The following ADARB1 variants were observed in gnomAD, a reference collection of about 807,000 sequenced individuals.
ADARB1 encodes the protein adenosine deaminase RNA specific B1, also known as double-stranded RNA-specific editase 1.
A neutral mutation model predicts 52.4 loss-of-function variants in ADARB1; 10 were observed. That is an observed-to-expected ratio of 0.19 (90% confidence interval 0.12 to 0.32). ADARB1 has a LOEUF of 0.32. Ranked by LOEUF, ADARB1 falls within the 10% of genes least tolerant of loss-of-function variation. The probability of loss-of-function intolerance (pLI) is 1.00; values close to 1 mark genes in which losing one functional copy is unlikely to be tolerated. For missense variants in ADARB1, 643 were observed against 922.3 expected (o/e 0.70, Z 3.92); for synonymous variants, 349 against 371.1 (o/e 0.94, Z 0.68).
chr21:45,116,632 T>A (rs957335105), intron 1 of ADARB1, among the ~76,000 whole-genome samples: 2 of 152,224 alleles, frequency 1.3e-5, no homozygotes, highest in Non-Finnish European at 2.9e-5. Flanking sequence ...TCAGGAAACT[T>A]ACAATCATGG....
Position 45,172,841 on chromosome 21 carries a change from A to G in ADARB1, c.28+1157A>G, listed in dbSNP as rs2091542647. 6.6e-6 allele frequency among the ~76,000 whole-genome samples: 1 copy of G among 152,150 alleles called. No homozygotes were observed. Among genetic ancestry groups the G allele is most frequent in the Non-Finnish European group, 1.5e-5 (1 of 68,016 alleles). On this transcript the variant is annotated intron_variant, in intron 3 of 10. Coordinates refer to ENST00000348831, the MANE Select transcript of ADARB1 (RefSeq NM_001112.4). This position sits in a 1 kb window ranked among gnomAD's most constrained non-coding sequence, Gnocchi z 4.4. ...CTGCCTGCTGGTGATTGTTTTTTTC[A>G]GGTTTTTATCCTCATCAATCCTGCT...
intron 1 of ADARB1, among the ~76,000 whole-genome samples, chr21:45,113,310 C>G (rs1238221986): frequency 6.6e-6 from 1 of 152,048 alleles, no homozygotes; most frequent in South Asian, 2.1e-4. Context: ...GTAGTCCCAG[C>G]TACTCGGGAG....
At chr21:45,097,394 T>C (rs552270851) in intron 1 of ADARB1, among the ~76,000 whole-genome samples, 2 of 152,102 alleles carry the variant, frequency 1.3e-5, no homozygotes, top group Non-Finnish European at 1.5e-5. Flanking sequence ...CCCTGTGTGA[T>C]GTGGTACAAA....
intron 2 of ADARB1, chr21:45,133,690 C>CGA (rs2089101987): frequency 3.5e-6 from 1 of 284,550 alleles, no homozygotes; most frequent in African/African-American, 2.3e-5. Context: ...GAGGTGTGTG[C>CGA]CCGACGGTGT....
chr21:45,188,561 A>G (rs1311020452), intron 8 of ADARB1, among the ~76,000 whole-genome samples: 2 of 151,784 alleles, frequency 1.3e-5, no homozygotes, highest in Non-Finnish European at 2.9e-5. Context: ...CTTTCGGCCT[A>G]TGTATCCTTA....
At chr21:45,180,622 A>G (rs1382182317) in intron 5 of ADARB1, among the ~76,000 whole-genome samples, 178 bp downstream of exon 5, 2 of 152,188 alleles carry the variant, frequency 1.3e-5, no homozygotes, top group African/African-American at 4.8e-5. Flanking sequence ...TTTTCCCAAA[A>G]TGTTCATCTT....
chr21:45,083,062 G>C (rs1253356971), intron 1 of ADARB1, among the ~76,000 whole-genome samples: 1 of 152,154 alleles, frequency 6.6e-6, no homozygotes, highest in Non-Finnish European at 1.5e-5. Context: ...TCTGCCATCT[G>C]TACCCACCAC....
intron 1 of ADARB1, among the ~76,000 whole-genome samples, chr21:45,087,570 G>T (rs918514789): frequency 4.6e-5 from 7 of 151,990 alleles, no homozygotes; most frequent in African/African-American, 1.7e-4. Context: ...TCATAGGTGG[G>T]GTGCAGAGGG....
chr21:45,117,550 A>G (rs1454338190), intron 1 of ADARB1, among the ~76,000 whole-genome samples: 1 of 151,822 alleles, frequency 6.6e-6, no homozygotes, highest in Non-Finnish European at 1.5e-5. Context: ...GGACTGTGAC[A>G]CTTTATCTTT....
intron 1 of ADARB1, among the ~76,000 whole-genome samples, chr21:45,083,952 C>T (rs932864450): frequency 3.3e-5 from 5 of 152,176 alleles, no homozygotes; most frequent in South Asian, 2.1e-4. Context: ...CCAATTGCCT[C>T]GGCCTCCCAA....
At chr21:45,173,774 G>A (rs368773321) in intron 3 of ADARB1, among the ~76,000 whole-genome samples, 2 of 151,146 alleles carry the variant, frequency 1.3e-5, no homozygotes, top group African/African-American at 2.4e-5. Flanking sequence ...GTAACCTATC[G>A]AGCTTTTGCT....
At chr21:45,201,916 C>T (rs1478566182) in intron 8 of ADARB1, among the ~76,000 whole-genome samples, 1 of 152,106 alleles carries the variant, frequency 6.6e-6, no homozygotes, top group Non-Finnish European at 1.5e-5. Flanking sequence ...ATGGCTGCCT[C>T]TGGGATTGGT....
At chr21:45,213,066 G>A (rs1297013437) in intron 9 of ADARB1, among the ~76,000 whole-genome samples, 1 of 152,170 alleles carries the variant, frequency 6.6e-6, no homozygotes, top group Non-Finnish European at 1.5e-5. Flanking sequence ...AGGGCAGGGG[G>A]ATGGTGAAGT....
intron 8 of ADARB1, 46 bp downstream of exon 8, chr21:45,185,137 T>G (rs1166686076): frequency 6.3e-7 from 1 of 1,575,832 alleles, no homozygotes; most frequent in Non-Finnish European, 8.6e-7. Context: ...CACACAGGAT[T>G]CATCCATACT....
intron 9 of ADARB1, among the ~76,000 whole-genome samples, chr21:45,210,200 C>T (rs985745662): frequency 6.6e-6 from 1 of 152,178 alleles, no homozygotes; most frequent in Admixed American, 6.5e-5. Context: ...TCTCCTTTTG[C>T]ATACTGAGAG....
intron 2 of ADARB1, among the ~76,000 whole-genome samples, chr21:45,168,294 A>G (rs1317540313): frequency 1.3e-5 from 2 of 152,010 alleles, no homozygotes; most frequent in Non-Finnish European, 2.9e-5. Context: ...CATCTTTTTA[A>G]CAGGGACGTT....
rs2093013858 is a variant in ADARB1 at position 45,224,065 on chromosome 21, G to A, written c.*1868G>A. 1 of 985,360 alleles carries A rather than the reference G, an allele frequency of 1.0e-6. No homozygotes were observed. The highest frequency in any genetic ancestry group is 6.1e-5 in the Admixed American group (1 of 16,270). 61.0% of individuals were successfully genotyped at this position (985,360 alleles called of 1,614,324 possible). On this transcript the variant is annotated 3_prime_UTR_variant, in exon 11 of 11. Transcript: ENST00000348831. Reference sequence around the variant, plus strand: ...AGAAGGAGAGGGGTCTGTTGTCGCTGGCTTTCCCCCAAGCAGGCTCTTGCA... The same window carrying A: ...AGAAGGAGAGGGGTCTGTTGTCGCTAGCTTTCCCCCAAGCAGGCTCTTGCA...
chr21:45,202,960 C>T (rs917781608), intron 8 of ADARB1, among the ~76,000 whole-genome samples: 1 of 150,248 alleles, frequency 6.7e-6, no homozygotes, highest in Non-Finnish European at 1.5e-5. Context: ...GAGCGTCTTC[C>T]CTTGCAGCCT....
intron 2 of ADARB1, among the ~76,000 whole-genome samples, chr21:45,155,668 C>T (rs2090521889): frequency 6.6e-6 from 1 of 151,388 alleles, no homozygotes; most frequent in African/African-American, 2.4e-5. Context: ...ATCCATCTCT[C>T]CATCTAGTCA....
Sources: allele counts gnomAD v4.1 joint callset (sites outside exome capture counted in the v4.1 genomes callset), GRCh38; gene constraint gnomAD v4.1.1; non-coding constraint Gnocchi (gnomAD v3.1); transcripts MANE v1.5; gene names NCBI Gene and HGNC (gene_info 2026-07-23, HGNC 2026-07-21).